Variants in DOCK2 observed in about 807,000 individuals in gnomAD.
DOCK2 encodes dedicator of cytokinesis protein 2.
A neutral mutation model predicts 248.9 loss-of-function variants in DOCK2; 87 were observed. That is an observed-to-expected ratio of 0.35 (90% CI 0.29 to 0.42). The LOEUF is 0.42. Among genes scored for constraint, DOCK2 ranks in the 10% least tolerant of loss-of-function variants. The pLI is 1.00. For missense variants in DOCK2, 1,747 were observed against 2,300.2 expected (o/e 0.76, Z 4.92); for synonymous variants, 805 against 821.6 (o/e 0.98, Z 0.35).
At chr5:170,075,633 C>T (rs981161998) in intron 46 of DOCK2, 5 of 274,598 alleles carry the variant, frequency 1.8e-5, no homozygotes, top group Non-Finnish European at 3.5e-5. Flanking sequence ...GATCCCCACA[C>T]TCTGCCCCCA....
intron 39 of DOCK2, 125 bp from the exon 40 acceptor site, chr5:170,047,385 T>G (rs1756751968): frequency 2.8e-6 from 2 of 717,988 alleles, no homozygotes; most frequent in Non-Finnish European, 4.7e-6. Flanking sequence ...AGCACAGATA[T>G]GTAAATATGT....
intron 6 of DOCK2, among the ~76,000 whole-genome samples, chr5:169,675,466 A>G (rs1759278417): frequency 6.6e-6 from 1 of 152,248 alleles, no homozygotes; most frequent in Non-Finnish European, 1.5e-5. Context: ...AAAGGGTCAC[A>G]GTTCCAATTA....
At chr5:170,009,170 G>T (rs1755184666) in intron 32 of DOCK2, among the ~76,000 whole-genome samples, 1 of 152,032 alleles carries the variant, frequency 6.6e-6, no homozygotes, top group Admixed American at 6.6e-5. Context: ...AGATGAGAGG[G>T]TCTTTTTAGC....
intron 43 of DOCK2, chr5:170,057,038 AG>A: frequency 2.2e-6 from 1 of 453,574 alleles, no homozygotes; most frequent in South Asian, 2.7e-5. Context: ...GCCAGCACGT[AG>A]AAACCCTCAG....
intron 1 of DOCK2, among the ~76,000 whole-genome samples, chr5:169,649,986 T>C (rs1352057201): frequency 2.0e-5 from 3 of 152,134 alleles, no homozygotes; most frequent in Non-Finnish European, 4.4e-5. Context: ...GTATTTTTAG[T>C]ACAGTCGGGG....
intron 27 of DOCK2, among the ~76,000 whole-genome samples, chr5:169,936,040 G>A (rs947115744): frequency 5.3e-5 from 8 of 152,110 alleles, no homozygotes; most frequent in Non-Finnish European, 1.2e-4. Flanking sequence ...GGGAACAACT[G>A]TAAAGAAGTC....
intron 27 of DOCK2, among the ~76,000 whole-genome samples, chr5:169,870,768 G>A (rs1306729592): frequency 6.6e-6 from 1 of 152,134 alleles, no homozygotes. Flanking sequence ...AGGAAGATAG[G>A]AAGGTTGTTG....
chr5:169,885,830 T>C (rs572363483), intron 27 of DOCK2, among the ~76,000 whole-genome samples: 1 of 152,266 alleles, frequency 6.6e-6, no homozygotes, highest in East Asian at 1.9e-4. Flanking sequence ...CCTAAACATA[T>C]CCTACTGCTT....
chr5:170,067,376 A>G, intron 44 of DOCK2, 134 bp from the exon 45 acceptor site: 2 of 843,198 alleles, frequency 2.4e-6, no homozygotes, highest in Non-Finnish European at 3.6e-6. Flanking sequence ...AGTAATTACA[A>G]GATCCTGTTA....
chr5:170,033,166 A>G (rs533540054), intron 34 of DOCK2, among the ~76,000 whole-genome samples: 8 of 152,316 alleles, frequency 5.3e-5, no homozygotes, highest in African/African-American at 1.9e-4. Context: ...ATAAGTAATT[A>G]AGAAGAAATA....
chr5:170,027,264 G>A (rs1036245839), intron 33 of DOCK2, among the ~76,000 whole-genome samples: 3 of 152,084 alleles, frequency 2.0e-5, no homozygotes, highest in Non-Finnish European at 2.9e-5. Flanking sequence ...ATTCGGATTA[G>A]GAGCTAGGCT....
chr5:169,981,729 T>C (rs894054563), intron 27 of DOCK2, among the ~76,000 whole-genome samples: 1 of 152,160 alleles, frequency 6.6e-6, no homozygotes, highest in African/African-American at 2.4e-5. Context: ...CCCAGCAAAA[T>C]GATTCCTATT....
intron 6 of DOCK2, among the ~76,000 whole-genome samples, chr5:169,676,695 C>A (rs1285544447): frequency 6.6e-6 from 1 of 152,194 alleles, no homozygotes; most frequent in Admixed American, 6.5e-5. Flanking sequence ...CCACCTCCAA[C>A]TTCCAGCAGC....
chr5:169,923,067 G>C (rs1030902465), intron 27 of DOCK2, among the ~76,000 whole-genome samples: 1 of 152,120 alleles, frequency 6.6e-6, no homozygotes, highest in Non-Finnish European at 1.5e-5. Flanking sequence ...AATTCCCTGG[G>C]GGACACAGAG....
chr5:169,853,386 G>A (rs932498675), intron 27 of DOCK2, among the ~76,000 whole-genome samples: 5 of 152,198 alleles, frequency 3.3e-5, no homozygotes, highest in African/African-American at 1.2e-4. Context: ...CAGGGCACTG[G>A]CTTTAAGTGA....
chr5:169,649,063 C>T (rs544789190), intron 1 of DOCK2, among the ~76,000 whole-genome samples: 73 of 152,382 alleles, frequency 4.8e-4, no homozygotes, highest in African/African-American at 9.1e-4. Flanking sequence ...ACACTGCTTA[C>T]GCATTTCGAT....
intron 2 of DOCK2, among the ~76,000 whole-genome samples, chr5:169,654,809 A>T (rs1044558456): frequency 3.9e-5 from 6 of 152,224 alleles, no homozygotes; most frequent in African/African-American, 1.4e-4. Flanking sequence ...AATAAGCATC[A>T]TTAGGGTTTG....
chr5:169,872,607 C>G (rs1772053759), intron 27 of DOCK2, among the ~76,000 whole-genome samples: 1 of 152,190 alleles, frequency 6.6e-6, no homozygotes, highest in African/African-American at 2.4e-5. Context: ...CTGCTGATAG[C>G]TATATCTGAA....
chr5:169,673,241 C>T lies in DOCK2; in HGVS notation c.322-1056C>T, dbSNP rs184600402. Among the ~76,000 whole-genome samples, 19 of 151,966 alleles carry T rather than the reference C, an allele frequency of 1.3e-4. No individual in the cohort carries two copies. The East Asian group carries it at 3.7e-3, about 29-fold the overall frequency. On this transcript the variant is annotated intron_variant, in intron 5 of 51. Coordinates refer to ENST00000520908, the MANE Select transcript of DOCK2 (RefSeq NM_004946.3). ...CCCTCATCCTGAAGCTATCTAGGGGCCCACCTAGAATCACCTCATTAGCAT... is the reference window on the plus strand; with the variant it reads ...CCCTCATCCTGAAGCTATCTAGGGGTCCACCTAGAATCACCTCATTAGCAT...
Sources: allele counts gnomAD v4.1 joint callset (sites outside exome capture counted in the v4.1 genomes callset), GRCh38; gene constraint gnomAD v4.1.1; transcripts MANE v1.5; gene names NCBI Gene and HGNC (gene_info 2026-07-23, HGNC 2026-07-21).